MAST4: variants seen among roughly 807,000 people sequenced by gnomAD.
The protein encoded by MAST4 is microtubule associated serine/threonine kinase family member 4, also known as microtubule-associated serine/threonine-protein kinase 4.
MAST4 carries 89 observed loss-of-function variants against 162.7 expected under a neutral mutation model. The observed-to-expected ratio is 0.55, with a 90% CI of 0.46 to 0.65. MAST4 has a LOEUF of 0.65. Ranked by LOEUF, MAST4 falls within the 30% of genes least tolerant of loss-of-function variation. MAST4 has a pLI of 0.00. For missense variants in MAST4, 3,153 were observed against 3,374.0 expected (o/e 0.93, Z 1.62); for synonymous variants, 1,479 against 1,361.1 (o/e 1.09, Z -1.91).
chr5:66,723,484 T>C (rs1367803346), intron 1 of MAST4, among the ~76,000 whole-genome samples: 1 of 152,218 alleles, frequency 6.6e-6, no homozygotes, highest in African/African-American at 2.4e-5. Context: ...GACTTTGCCC[T>C]TTCAGAAGGC....
chr5:66,880,460 CAT>C (rs558598226), intron 3 of MAST4, among the ~76,000 whole-genome samples: 257 of 152,218 alleles, frequency 1.7e-3, no homozygotes, highest in African/African-American at 5.8e-3. Flanking sequence ...TTTTTTTAAA[CAT>C]AAAGAAATCC....
At chr5:66,638,389 C>G (rs1322097663) in intron 1 of MAST4, among the ~76,000 whole-genome samples, 1 of 152,192 alleles carries the variant, frequency 6.6e-6, no homozygotes. Context: ...ATGCCTCTCT[C>G]ACCCTGGGTC....
chr5:66,828,765 T>A, intron 3 of MAST4: 1 of 1,564,446 alleles, frequency 6.4e-7, no homozygotes. Flanking sequence ...GCTGCCGGGC[T>A]CTGAATTAGC....
intron 1 of MAST4, among the ~76,000 whole-genome samples, chr5:66,642,522 AAG>A (rs1439477149): frequency 6.6e-6 from 1 of 152,192 alleles, no homozygotes; most frequent in African/African-American, 2.4e-5. Flanking sequence ...TATGTTTAAA[AAG>A]AGTTATCTTT....
intron 19 of MAST4, among the ~76,000 whole-genome samples, chr5:67,141,294 G>A (rs13361529): frequency 0.61 from 92,673 of 151,960 alleles, 31,048 homozygotes; most frequent in Non-Finnish European, 0.75. Context: ...TTTCAGGATT[G>A]ATTCTTTGTT....
chr5:67,026,862 TG>T (rs1042463937), intron 4 of MAST4, among the ~76,000 whole-genome samples: 1 of 152,162 alleles, frequency 6.6e-6, no homozygotes, highest in Non-Finnish European at 1.5e-5. Context: ...TCCTTATCTT[TG>T]GGCCTCACCT....
At position 67,165,933 on chromosome 5, in the gene MAST4, G is replaced by C; in HGVS notation, c.6754G>C (p.Ala2252Pro). The C allele has an allele frequency of 3.7e-6, 6 of 1,613,392 alleles. No individual in the cohort carries two copies. Among genetic ancestry groups the C allele is most frequent in the Non-Finnish European group, 5.1e-6 (6 of 1,179,862 alleles). The change falls in exon 29 of 29, where the codon GCT (alanine) becomes CCT (proline). Residue 2252 changes from alanine (A) to proline (P), a missense_variant. Physicochemically the swap from Ala to Pro is conservative, Grantham distance 27 (BLOSUM62 -1). Transcript: ENST00000403625. Reference protein sequence around the residue: ...HSKSGPDVFPATPGSQNKASD... With the variant: ...HSKSGPDVFPPTPGSQNKASD... ...TAAGAGTGGGCCGGATGTGTTTCCTGCTACCCCAGGCTCCCAGAACAAAGC... is the reference window on the plus strand; with the variant it reads ...TAAGAGTGGGCCGGATGTGTTTCCTCCTACCCCAGGCTCCCAGAACAAAGC...
intron 4 of MAST4, among the ~76,000 whole-genome samples, chr5:67,034,694 C>G (rs1351486161): frequency 6.6e-6 from 1 of 152,104 alleles, no homozygotes; most frequent in Non-Finnish European, 1.5e-5. Context: ...CTTTATATTC[C>G]AATGCAATAT....
chr5:66,685,262 C>CA (rs369546392), intron 1 of MAST4, among the ~76,000 whole-genome samples: 8 of 143,892 alleles, frequency 5.6e-5, no homozygotes, highest in Non-Finnish European at 1.1e-4. Context: ...GACCTTGTCT[C>CA]AAACAAAACA....
At chr5:66,871,696 A>C (rs1760941117) in intron 3 of MAST4, among the ~76,000 whole-genome samples, 1 of 152,172 alleles carries the variant, frequency 6.6e-6, no homozygotes. Flanking sequence ...GCTCCAGTCA[A>C]ATTTTTCCAG....
Position 67,165,552 on chromosome 5 carries a change from C to CCT in MAST4, c.6376_6377dup (p.Gln2127TyrfsTer13). The stretch of plus-strand genomic sequence containing the variant: ...CAAGGAACCTGAAAGGAAGGAGCAG[C>CCT]CTCTACAAAGGCATCCCAGCAGCAT... On this transcript the variant is annotated frameshift_variant, in exon 29 of 29. Coordinates refer to ENST00000403625, the MANE Select transcript of MAST4 (RefSeq NM_001164664.2). LOFTEE classifies it low-confidence loss of function (END_TRUNC). 1 of 1,613,986 alleles carries CCT rather than the reference C, an allele frequency of 6.2e-7. No individual in the cohort carries two copies. Among genetic ancestry groups the CCT allele is most frequent in the Non-Finnish European group, 8.5e-7 (1 of 1,179,882 alleles).
intron 4 of MAST4, among the ~76,000 whole-genome samples, chr5:66,924,455 G>A (rs929067748): frequency 4.0e-5 from 6 of 151,210 alleles, no homozygotes; most frequent in Non-Finnish European, 8.8e-5. Context: ...GTGCAGTGGC[G>A]CGATCTCGGC....
chr5:66,919,927 TCC>T (rs1323911840), intron 4 of MAST4, among the ~76,000 whole-genome samples: 1 of 88,718 alleles, frequency 1.1e-5, no homozygotes, highest in Non-Finnish European at 2.6e-5. Flanking sequence ...CTTCCTTCCT[TCC>T]TTCCTTCCTT....
chr5:67,157,686 C>G (rs1264170864), intron 26 of MAST4, among the ~76,000 whole-genome samples: 3 of 152,072 alleles, frequency 2.0e-5, no homozygotes, highest in Non-Finnish European at 4.4e-5. Context: ...GTAGGAGGAG[C>G]TTTGGGGGTG....
In MAST4 at chr5:67,164,120, T is replaced by C; in HGVS notation, c.4941T>C (p.Asp1647=). 6.3e-7 allele frequency: 1 copy of C among 1,597,028 alleles called. No individual in the cohort carries two copies. The highest frequency in any genetic ancestry group is 1.1e-5 in the South Asian group (1 of 88,500). ...CCCCCGCTCCTGGCACCCTCCAGGA[T>C]GGTCTCTGCCACTCCCTCGACAGGG... ...RRAPAPGTLQ[D]GLCHSLDRGI... Residue 1647 remains aspartate, a synonymous_variant, in exon 29 of 29, where the codon GAT becomes GAC. Transcript: ENST00000403625. This position sits in a 1 kb window ranked among gnomAD's most constrained non-coding sequence, Gnocchi z 5.3.
chr5:66,914,899 A>G (rs1019275299), intron 4 of MAST4, among the ~76,000 whole-genome samples: 1 of 152,134 alleles, frequency 6.6e-6, no homozygotes, highest in Admixed American at 6.5e-5. Flanking sequence ...GACAACCCCA[A>G]AGAATTATCT....
intron 1 of MAST4, among the ~76,000 whole-genome samples, chr5:66,616,685 C>T (rs755057478): frequency 6.6e-5 from 10 of 152,210 alleles, no homozygotes; most frequent in African/African-American, 9.7e-5. Context: ...AGCAGCTGGC[C>T]GGGGCCTCTG....
intron 1 of MAST4, among the ~76,000 whole-genome samples, chr5:66,749,663 G>A (rs1753011848): frequency 6.6e-6 from 1 of 152,208 alleles, no homozygotes; most frequent in South Asian, 2.1e-4. Context: ...GCCAAGCACT[G>A]TCTTAGGTGC....
Position 66,759,733 on chromosome 5 carries a change from C to A in MAST4, c.388C>A (p.Pro130Thr). ...EELDHILSPPPMPFRKCSNPD... is the reference protein window; with the variant it reads ...EELDHILSPPTMPFRKCSNPD... ...GCTTGACCACATATTATCCCCTCCA[C>A]CCATGCCGTTTCGGAAATGCAGCAA... The change falls in exon 2 of 29, where the codon CCC (proline) becomes ACC (threonine). Residue 130 changes from proline to threonine, a missense_variant. Physicochemically the swap from Pro to Thr is conservative, Grantham distance 38. This residue lies in a region of MAST4 where 327 missense variants were observed against 336.5 expected (regional missense o/e 0.97). Transcript: ENST00000403625. 6.2e-7 allele frequency: 1 copy of A among 1,614,000 alleles called. No individual in the cohort carries two copies. The highest frequency in any genetic ancestry group is 1.1e-5 in the South Asian group (1 of 91,080).
Sources: allele counts gnomAD v4.1 joint callset (sites outside exome capture counted in the v4.1 genomes callset), GRCh38; gene constraint gnomAD v4.1.1; regional missense constraint gnomAD v4.1.1; non-coding constraint Gnocchi (gnomAD v3.1); transcripts MANE v1.5; gene names NCBI Gene and HGNC (gene_info 2026-07-23, HGNC 2026-07-21).